POLR2D: variants seen among roughly 807,000 people sequenced by gnomAD.
POLR2D encodes RNA polymerase II subunit D.
A neutral mutation model predicts 17.6 loss-of-function variants in POLR2D; 10 were observed. The ratio of observed to expected loss-of-function variants is 0.57; its 90% CI spans 0.35 to 0.96. POLR2D has a LOEUF of 0.96. Among genes scored for constraint, POLR2D ranks in the 40% least tolerant of loss-of-function variants. POLR2D has a pLI of 0.02. For synonymous variants in POLR2D, 52 were observed against 60.2 expected, an observed-to-expected ratio of 0.86 and a Z score of 0.63; for missense variants, 126 against 176.4, an observed-to-expected ratio of 0.71 and a Z score of 1.62.
intron 3 of POLR2D, among the ~76,000 whole-genome samples, chr2:127,850,264 T>C (rs1042328692): frequency 1.3e-5 from 2 of 151,648 alleles, no homozygotes; most frequent in Non-Finnish European, 2.9e-5. Context: ...AACATGGAGA[T>C]ACCCCATCTC....
Position 127,847,777 on chromosome 2 carries a change from A to C in POLR2D, c.*330T>G. ...TAAACACCCTGAAATTAAAACATGA[A>C]ATATTAAGAAAAAAGATGATGTGGA... On this transcript the variant is annotated 3_prime_UTR_variant, in exon 4 of 4. Coordinates refer to ENST00000272645, the MANE Select transcript of POLR2D (RefSeq NM_004805.4). 3.4e-6 allele frequency: 1 copy of C among 294,398 alleles called. No homozygotes were observed. The highest frequency in any genetic ancestry group is 3.9e-5 in the South Asian group (1 of 25,336). 18.2% of individuals were successfully genotyped at this position (294,398 alleles called of 1,614,324 possible). A position where few individuals can be genotyped will look rare whatever the true frequency, so the allele number is the denominator to read the frequency against.
intron 1 of POLR2D, among the ~76,000 whole-genome samples, chr2:127,856,702 ATTTT>A (rs1315601341): frequency 1.3e-5 from 2 of 152,144 alleles, no homozygotes; most frequent in Non-Finnish European, 2.9e-5. Context: ...TCATTTTTAT[ATTTT>A]TTATTTCTTA....
rs7605158 is a variant in POLR2D at position 127,852,447 on chromosome 2, T to C, written c.254+478A>G. Among the ~76,000 whole-genome samples, 22,582 of 152,140 alleles carry C rather than the reference T, an allele frequency of 0.15. 2,154 individuals are homozygous for C. The highest frequency in any genetic ancestry group is 0.27 in the African/African-American group (11,257 of 41,466). ...TTTTGTAGGGACACGAGTTTCACCA[T>C]GTTGCACATGCTGGTCTTGAACTCC... is the stretch of plus-strand genomic sequence containing the variant. On this transcript the variant is annotated intron_variant, in intron 2 of 3. Coordinates refer to ENST00000272645, the MANE Select transcript of POLR2D (RefSeq NM_004805.4). The surrounding 1 kb of genome is among the most constrained non-coding windows in gnomAD (Gnocchi z 4.0).
At chr2:127,849,855 G>T (rs1455956455) in intron 3 of POLR2D, among the ~76,000 whole-genome samples, 1 of 151,978 alleles carries the variant, frequency 6.6e-6, no homozygotes. Flanking sequence ...AGACCAGCCT[G>T]GCCAACACGG....
intron 1 of POLR2D, 176 bp downstream of exon 1, chr2:127,857,852 G>T (rs531766014): frequency 1.1e-4 from 149 of 1,320,158 alleles, no homozygotes; most frequent in Non-Finnish European, 1.4e-4. Flanking sequence ...TTGCCCAGGC[G>T]GTCCCTCCCA....
rs1690122826 is a variant in POLR2D at position 127,844,700 on chromosome 2, C to T, written c.*3407G>A. 1 of 152,070 alleles carries T rather than the reference C, an allele frequency of 6.6e-6. No individual in the cohort carries two copies. Among genetic ancestry groups the T allele is most frequent in the Non-Finnish European group, 1.5e-5 (1 of 68,040 alleles). The allele number at this position is 152,070 out of a possible 1,614,324, so 9.4% of individuals were successfully genotyped here. A position where few individuals can be genotyped will look rare whatever the true frequency, so the allele number is the denominator to read the frequency against. ...TGGAGTCTCGCTCTTGTTGCCCAGG[C>T]TGGAGTGCAATGGCATGATCTTGGC... On this transcript the variant is annotated 3_prime_UTR_variant, in exon 4 of 4. Coordinates refer to ENST00000272645, the MANE Select transcript of POLR2D (RefSeq NM_004805.4).
chr2:127,858,153 A>T lies in POLR2D; in HGVS notation c.-53T>A, dbSNP rs1290112985. ...AGCGCCGCCGGAAGCAGAAGCGCGG[A>T]GCAACGGCCGCGGAAGGGGCGTGGT... is the stretch of plus-strand genomic sequence containing the variant. On this transcript the variant is annotated 5_prime_UTR_variant, in exon 1 of 4. Coordinates refer to ENST00000272645, the MANE Select transcript of POLR2D (RefSeq NM_004805.4). 2.2e-6 allele frequency: 3 copies of T among 1,336,842 alleles called. No individual in the cohort carries two copies. In the African/African-American group the frequency reaches 4.7e-5, roughly 21 times the overall value. The allele number at this position is 1,336,842 out of a possible 1,614,324, so 82.8% of individuals were successfully genotyped here.
chr2:127,850,232 G>A (rs1690228825), intron 3 of POLR2D, among the ~76,000 whole-genome samples: 1 of 152,006 alleles, frequency 6.6e-6, no homozygotes, highest in Non-Finnish European at 1.5e-5. Flanking sequence ...ACTGAGGCTG[G>A]GAGTTCGCGA....
chr2:127,851,827 G>C (rs369335416), intron 2 of POLR2D, among the ~76,000 whole-genome samples: 1 of 152,146 alleles, frequency 6.6e-6, no homozygotes, highest in African/African-American at 2.4e-5. Flanking sequence ...CTCACTCTAT[G>C]TCACCCGGGC....
chr2:127,852,104 G>A lies in POLR2D; in HGVS notation c.254+821C>T, dbSNP rs963637569. Among the ~76,000 whole-genome samples, 1 of 152,112 alleles carries A rather than the reference G, an allele frequency of 6.6e-6. No individual in the cohort carries two copies. Among genetic ancestry groups the A allele is most frequent in the African/African-American group, 2.4e-5 (1 of 41,430 alleles). Reference sequence around the variant, plus strand: ...GCACCCGGCCAATCCCAGCACTTTGGGGGGCTAAGGTTGGAGGATCAATTG... The same window carrying A: ...GCACCCGGCCAATCCCAGCACTTTGAGGGGCTAAGGTTGGAGGATCAATTG... On this transcript the variant is annotated intron_variant, in intron 2 of 3. Coordinates refer to ENST00000272645, the MANE Select transcript of POLR2D (RefSeq NM_004805.4). The surrounding 1 kb of genome is among the most constrained non-coding windows in gnomAD (Gnocchi z 4.0).
In POLR2D at chr2:127,847,773, A is replaced by G. The variant is rs1049678537; in HGVS notation, c.*334T>C. The G allele has an allele frequency of 3.4e-6, 1 of 290,414 alleles. No individual in the cohort carries two copies. The highest frequency in any genetic ancestry group is 6.5e-6 in the Non-Finnish European group (1 of 153,504). 18.0% of individuals were successfully genotyped at this position (290,414 alleles called of 1,614,324 possible). A position where few individuals can be genotyped will look rare whatever the true frequency, so the allele number is the denominator to read the frequency against. ...AGTATAAACACCCTGAAATTAAAAC[A>G]TGAAATATTAAGAAAAAAGATGATG... On this transcript the variant is annotated 3_prime_UTR_variant, in exon 4 of 4. Transcript: ENST00000272645.
chr2:127,857,404 C>T (rs1208349821), intron 1 of POLR2D, among the ~76,000 whole-genome samples: 1 of 152,188 alleles, frequency 6.6e-6, no homozygotes, highest in African/African-American at 2.4e-5. Context: ...CCTAGGAATA[C>T]CCTCCCCAAC....
intron 1 of POLR2D, among the ~76,000 whole-genome samples, chr2:127,857,392 T>C (rs1472439094): frequency 6.6e-6 from 1 of 152,122 alleles, no homozygotes; most frequent in African/African-American, 2.4e-5. Flanking sequence ...GAAGACCTCA[T>C]CCCTAGGAAT....
At position 127,846,062 on chromosome 2, in the gene POLR2D, G is replaced by A. The variant is rs1182544566; in HGVS notation, c.*2045C>T. On this transcript the variant is annotated 3_prime_UTR_variant, in exon 4 of 4. Coordinates refer to ENST00000272645, the MANE Select transcript of POLR2D (RefSeq NM_004805.4). ...TTGAGGTCAGTTCAAGACTAGCCTG[G>A]CGAACGTGGTGAAACCCTGTCTCTA... The A allele has an allele frequency of 6.6e-6, 1 of 152,112 alleles. No individual in the cohort carries two copies. The highest frequency in any genetic ancestry group is 2.4e-5 in the African/African-American group (1 of 41,386). The allele number at this position is 152,112 out of a possible 1,614,324, so 9.4% of individuals were successfully genotyped here. A position where few individuals can be genotyped will look rare whatever the true frequency, so the allele number is the denominator to read the frequency against.
Position 127,852,903 on chromosome 2 carries a change from A to C in POLR2D, c.254+22T>G, listed in dbSNP as rs148270064. ...AGTTGTCCAATGGTTTGGATTAATA[A>C]AAACTTTCTTTTAGCACTCACCTAC... is the stretch of plus-strand genomic sequence containing the variant. On this transcript the variant is annotated intron_variant, in intron 2 of 3. Coordinates refer to ENST00000272645, the MANE Select transcript of POLR2D (RefSeq NM_004805.4). The surrounding 1 kb of genome is among the most constrained non-coding windows in gnomAD (Gnocchi z 4.0). 2.5e-6 allele frequency: 4 copies of C among 1,582,988 alleles called. No individual in the cohort carries two copies. In the African/African-American group the frequency reaches 4.1e-5, roughly 16 times the overall value.
In POLR2D at chr2:127,848,085, G is replaced by C. The variant is rs768771447; in HGVS notation, c.*22C>G. ...TTATGCCTGGGGATGTGGTTTCTCC[G>C]AGCAGCAGTGATGTTTGGAGATTAA... is the stretch of plus-strand genomic sequence containing the variant. On this transcript the variant is annotated 3_prime_UTR_variant, in exon 4 of 4. Coordinates refer to ENST00000272645, the MANE Select transcript of POLR2D (RefSeq NM_004805.4). 9.1e-6 allele frequency: 14 copies of C among 1,531,076 alleles called. 1 individual carries two copies. The highest frequency in any genetic ancestry group is 1.3e-5 in the Non-Finnish European group (14 of 1,104,488). The allele number at this position is 1,531,076 out of a possible 1,614,324, so 94.8% of individuals were successfully genotyped here.
In POLR2D at chr2:127,845,296, A is replaced by T. The variant is rs1259753928; in HGVS notation, c.*2811T>A. On this transcript the variant is annotated 3_prime_UTR_variant, in exon 4 of 4. Transcript: ENST00000272645. ...ACAATACAGAGAAGACAGCATGGCC[A>T]CTGCCCAAGAATGACATGCAAATTC... The T allele has an allele frequency of 6.6e-6, 1 of 152,050 alleles. No individual in the cohort carries two copies. The highest frequency in any genetic ancestry group is 1.5e-5 in the Non-Finnish European group (1 of 68,034). 9.4% of individuals were successfully genotyped at this position (152,050 alleles called of 1,614,324 possible).
At chr2:127,849,076 C>T (rs879467864) in intron 3 of POLR2D, among the ~76,000 whole-genome samples, 21 of 150,766 alleles carry the variant, frequency 1.4e-4, no homozygotes, top group Non-Finnish European at 2.4e-4. Flanking sequence ...GACAGAGTGT[C>T]GCTCTATTGC....
chr2:127,844,190 A>G lies in POLR2D; in HGVS notation c.*3917T>C, dbSNP rs556108811. On this transcript the variant is annotated 3_prime_UTR_variant, in exon 4 of 4. Transcript: ENST00000272645. ...ATTCCCTATGGAAGATGCAGAAAAA[A>G]AGGCACCATCTTGGACCAGAAAGCC... 1 of 151,766 alleles carries G rather than the reference A, an allele frequency of 6.6e-6. No homozygotes were observed. The highest frequency in any genetic ancestry group is 2.1e-4 in the South Asian group (1 of 4,796). 9.4% of individuals were successfully genotyped at this position (151,766 alleles called of 1,614,324 possible).
Sources: gnomAD v4.1 joint callset for allele counts (sites outside exome capture counted in the v4.1 genomes callset) on GRCh38, gnomAD v4.1.1 for gene constraint, Gnocchi (gnomAD v3.1) non-coding constraint, MANE v1.5 for transcripts, NCBI Gene and HGNC (gene_info 2026-07-23, HGNC 2026-07-21) for gene names.